The following CUX2 variants were observed in gnomAD, a reference collection of about 807,000 sequenced individuals.
CUX2 encodes the protein homeobox protein cut-like 2.
Under a neutral mutation model 144.8 loss-of-function variants are expected in CUX2, and 40 were observed. That is an observed-to-expected ratio of 0.28 (90% CI 0.21 to 0.36). The LOEUF is 0.36. Ranked by LOEUF, CUX2 falls within the 10% of genes least tolerant of loss-of-function variation. CUX2 has a pLI of 1.00. For missense variants in CUX2, 1,615 were observed against 1,994.0 expected (o/e 0.81, Z 3.62); for synonymous variants, 827 against 875.6 (o/e 0.94, Z 0.98).
chr12:111,150,853 G>A (rs1877004514), intron 1 of CUX2, among the ~76,000 whole-genome samples: 1 of 152,120 alleles, frequency 6.6e-6, no homozygotes, highest in Non-Finnish European at 1.5e-5. Flanking sequence ...GAGAGGTCAC[G>A]TCATGTTTTA....
chr12:111,208,675 C>G (rs1206902988), intron 1 of CUX2, among the ~76,000 whole-genome samples: 1 of 152,064 alleles, frequency 6.6e-6, no homozygotes, highest in Non-Finnish European at 1.5e-5. Flanking sequence ...GGACACATAC[C>G]CACTGACGGG....
At chr12:111,301,038 CAAA>C (rs3061127) in intron 9 of CUX2, among the ~76,000 whole-genome samples, 6,818 of 106,482 alleles carry the variant, frequency 0.064, 422 homozygotes, top group African/African-American at 0.17. Flanking sequence ...GACCCTATCT[CAAA>C]AAAAAAAAAA....
At chr12:111,165,728 C>G (rs1430643205) in intron 1 of CUX2, among the ~76,000 whole-genome samples, 1 of 152,174 alleles carries the variant, frequency 6.6e-6, no homozygotes, top group Non-Finnish European at 1.5e-5. Context: ...GCATCGCCTC[C>G]CAGCTCCACG....
rs564429251 is a variant in CUX2, at chr12:111,304,378, T to C, written c.858+64T>C. 1.4e-6 allele frequency: 2 copies of C among 1,385,360 alleles called. No homozygotes were observed. Among genetic ancestry groups the C allele is most frequent in the East Asian group, 4.7e-5 (2 of 42,358 alleles). 85.8% of individuals were successfully genotyped at this position (1,385,360 alleles called of 1,614,324 possible). ...GGGAAAGATCGGGAATGGCTGAGTTTGCAGGTTTCAGCATGTGGGTGACAC... is the reference window on the plus strand; with the variant it reads ...GGGAAAGATCGGGAATGGCTGAGTTCGCAGGTTTCAGCATGTGGGTGACAC... On this transcript the variant is annotated intron_variant, in intron 10 of 21. Transcript: ENST00000261726. The surrounding 1 kb of genome is among the most constrained non-coding windows in gnomAD (Gnocchi z 4.7).
chr12:111,159,039 C>T (rs1877574101), intron 1 of CUX2, among the ~76,000 whole-genome samples: 1 of 152,150 alleles, frequency 6.6e-6, no homozygotes, highest in Non-Finnish European at 1.5e-5. Context: ...TGTGTGGACC[C>T]CCATTTCTCA....
At chr12:111,125,924 C>G (rs1228748805) in intron 1 of CUX2, among the ~76,000 whole-genome samples, 1 of 152,092 alleles carries the variant, frequency 6.6e-6, no homozygotes, top group Non-Finnish European at 1.5e-5. Flanking sequence ...AAAGCAGAAA[C>G]TAAACGAAAC....
chr12:111,197,286 C>A (rs1880298561), intron 1 of CUX2, among the ~76,000 whole-genome samples: 1 of 152,200 alleles, frequency 6.6e-6, no homozygotes, highest in African/African-American at 2.4e-5. Context: ...GGATCAGCTT[C>A]TGTTATTGTT....
Position 111,348,956 on chromosome 12 carries a change from ACT to A in CUX2, c.*634_*635del, listed in dbSNP as rs1270936086. The A allele has an allele frequency of 6.6e-6, 1 of 152,634 alleles. No individual in the cohort carries two copies. The highest frequency in any genetic ancestry group is 2.4e-5 in the African/African-American group (1 of 41,446). The allele number at this position is 152,634 out of a possible 1,614,324, so 9.5% of individuals were successfully genotyped here. On this transcript the variant is annotated 3_prime_UTR_variant, in exon 22 of 22. Coordinates refer to ENST00000261726, the MANE Select transcript of CUX2 (RefSeq NM_015267.4). ...GTGCTAAAAAGAGAAAGTCCAAAAG[ACT>A]CTAAACAAAAACCTCGACGCCGTTG...
rs969470835 is a variant in CUX2, at chr12:111,039,666, G to C, written c.63+5426G>C. ...GGTTCACGTGATTCCCAAGTAGTTGGAACTATAGGCGCATGCCACCACGCC... is the reference window on the plus strand; with the variant it reads ...GGTTCACGTGATTCCCAAGTAGTTGCAACTATAGGCGCATGCCACCACGCC... On this transcript the variant is annotated intron_variant, in intron 1 of 21. Transcript: ENST00000261726. This position sits in a 1 kb window ranked among gnomAD's most constrained non-coding sequence, Gnocchi z 4.2. Among the ~76,000 whole-genome samples, 4 of 152,120 alleles carry C rather than the reference G, an allele frequency of 2.6e-5. No homozygotes were observed. Among genetic ancestry groups the C allele is most frequent in the Admixed American group, 6.5e-5 (1 of 15,276 alleles).
rs77896117 is a variant in CUX2, at chr12:111,097,653, C to T, written c.63+63413C>T. On this transcript the variant is annotated intron_variant, in intron 1 of 21. Transcript: ENST00000261726. ...GGGTCACTGGCGTGAGCAGACCACC[C>T]GTGACTGCACAAGACAGCGTTTTCT... is the stretch of plus-strand genomic sequence containing the variant. Among the ~76,000 whole-genome samples, 1,375 of 152,260 alleles carry T rather than the reference C, an allele frequency of 9.0e-3. 28 individuals are homozygous for T. Among genetic ancestry groups the T allele is most frequent in the African/African-American group, 0.031 (1,284 of 41,532 alleles).
intron 1 of CUX2, among the ~76,000 whole-genome samples, chr12:111,069,533 TGTGTGTGTGTGTGTGTGTGCGCGCGC>T (rs769360495): frequency 1.4e-5 from 2 of 148,138 alleles, no homozygotes; most frequent in East Asian, 3.9e-4. Flanking sequence ...TGTGTGTGTG[TGTGTGTGTGTGTGTGTGTGCGCGCGC>T]GTGTGTGTGT....
At chr12:111,315,051 G>A (rs531850426) in intron 16 of CUX2, among the ~76,000 whole-genome samples, 2 of 152,198 alleles carry the variant, frequency 1.3e-5, no homozygotes, top group East Asian at 1.9e-4. Flanking sequence ...AGAGGAAAAC[G>A]TTTGCTCTCC....
At chr12:111,103,087 G>A (rs1389088735) in intron 1 of CUX2, among the ~76,000 whole-genome samples, 2 of 152,052 alleles carry the variant, frequency 1.3e-5, no homozygotes, top group African/African-American at 4.8e-5. Flanking sequence ...TTACCTTGAC[G>A]GTCTTATTGG....
chr12:111,090,015 G>A (rs1273460788), intron 1 of CUX2, among the ~76,000 whole-genome samples: 2 of 152,190 alleles, frequency 1.3e-5, no homozygotes, highest in Admixed American at 6.5e-5. Flanking sequence ...TGGCCATCAT[G>A]TGCAGTGGAG....
intron 1 of CUX2, among the ~76,000 whole-genome samples, chr12:111,176,039 CTTTTTTTTTTTTT>C (rs1172563784): frequency 3.8e-4 from 27 of 70,212 alleles, no homozygotes; most frequent in Middle Eastern, 0.019. Flanking sequence ...TCTTCTTCTT[CTTTTTTTTTTTTT>C]TTTTTTTTTT....
chr12:111,166,682 A>G (rs1197207489), intron 1 of CUX2, among the ~76,000 whole-genome samples: 1 of 152,160 alleles, frequency 6.6e-6, no homozygotes, highest in Non-Finnish European at 1.5e-5. Context: ...TTTCATCAGG[A>G]GGATCTGCAG....
Position 111,334,609 on chromosome 12 carries a change from A to G in CUX2, c.3095A>G (p.Gln1032Arg). ...AGCGGGAAGATGTACTCAGGCAGCC[A>G]GGCCCCAGGGGGCATCCAGGAGATC... Reference protein sequence around the residue: ...SLSGKMYSGSQAPGGIQEIVA... With the variant: ...SLSGKMYSGSRAPGGIQEIVA... Residue 1032 changes from glutamine to arginine, a missense_variant, in exon 19 of 22, where the codon CAG (glutamine) becomes CGG (arginine). Physicochemically the swap from Gln to Arg is conservative, Grantham distance 43. Around this residue, in one of 12 missense-constraint regions of CUX2, gnomAD observed 128 missense variants for 124.4 expected, o/e 1.03. Transcript: ENST00000261726. 1 of 1,614,078 alleles carries G rather than the reference A, an allele frequency of 6.2e-7. No individual in the cohort carries two copies.
intron 18 of CUX2, among the ~76,000 whole-genome samples, chr12:111,326,834 G>A (rs1454770310): frequency 6.6e-6 from 1 of 152,146 alleles, no homozygotes; most frequent in Non-Finnish European, 1.5e-5. Context: ...AACCCAGGAA[G>A]CAGAGGTTGC....
intron 2 of CUX2, among the ~76,000 whole-genome samples, chr12:111,214,964 CT>C (rs1353414896): frequency 1.3e-5 from 2 of 152,154 alleles, no homozygotes; most frequent in African/African-American, 4.8e-5. Context: ...GCAGGCCCCC[CT>C]ATTGCTTCTC....
Sources: gnomAD v4.1 joint callset for allele counts (sites outside exome capture counted in the v4.1 genomes callset) on GRCh38, gnomAD v4.1.1 for gene constraint, gnomAD v4.1.1 regional missense constraint, Gnocchi (gnomAD v3.1) non-coding constraint, MANE v1.5 for transcripts, NCBI Gene and HGNC (gene_info 2026-07-23, HGNC 2026-07-21) for gene names.